The following MAP4K4 variants were observed in gnomAD, a reference collection of about 807,000 sequenced individuals.
MAP4K4 encodes mitogen-activated protein kinase kinase kinase kinase 4.
In MAP4K4, 38 loss-of-function variants were observed where a neutral mutation model predicts 189.6. The observed-to-expected ratio is 0.20, with a 90% CI of 0.15 to 0.26. MAP4K4 has a LOEUF of 0.26. Among genes scored for constraint, MAP4K4 ranks in the 10% least tolerant of loss-of-function variants. The pLI, the probability that MAP4K4 is intolerant of heterozygous loss-of-function variation, is 1.00. For synonymous variants in MAP4K4, 610 were observed against 624.3 expected (o/e 0.98, Z 0.34); for missense variants, 1,054 against 1,726.9 (o/e 0.61, Z 6.91).
intron 9 of MAP4K4, among the ~76,000 whole-genome samples, chr2:101,837,963 C>G (rs2096809242): frequency 6.6e-6 from 1 of 152,172 alleles, no homozygotes; most frequent in Non-Finnish European, 1.5e-5. Flanking sequence ...TCTAATGTTA[C>G]CCAAGTGTTC....
chr2:101,721,182 C>T (rs2051683519), intron 2 of MAP4K4, among the ~76,000 whole-genome samples: 1 of 152,082 alleles, frequency 6.6e-6, no homozygotes, highest in South Asian at 2.1e-4. Flanking sequence ...AAAACTGATA[C>T]TAGAAATTGT....
intron 2 of MAP4K4, among the ~76,000 whole-genome samples, chr2:101,722,766 G>C (rs1409676925): frequency 1.3e-5 from 2 of 152,152 alleles, no homozygotes; most frequent in East Asian, 3.9e-4. Context: ...GAAGGCTAAG[G>C]ACTAAAATTT....
intron 3 of MAP4K4, among the ~76,000 whole-genome samples, chr2:101,796,545 A>G (rs1038383965): frequency 6.6e-6 from 1 of 152,214 alleles, no homozygotes; most frequent in African/African-American, 2.4e-5. Context: ...GTGAAAGTAT[A>G]ACCATTTCAA....
intron 2 of MAP4K4, among the ~76,000 whole-genome samples, chr2:101,727,914 A>G (rs2056433749): frequency 6.6e-6 from 1 of 152,328 alleles, no homozygotes; most frequent in African/African-American, 2.4e-5. Context: ...GGTTGCAGTG[A>G]GCCGAGATCA....
intron 3 of MAP4K4, among the ~76,000 whole-genome samples, chr2:101,802,038 T>C (rs1341771775): frequency 6.6e-6 from 1 of 152,234 alleles, no homozygotes; most frequent in Non-Finnish European, 1.5e-5. Context: ...ATAATCTTGG[T>C]AGATAGTGGG....
At chr2:101,877,476 C>CTTT (rs571878053) in intron 27 of MAP4K4, among the ~76,000 whole-genome samples, 62 of 132,822 alleles carry the variant, frequency 4.7e-4, no homozygotes, top group African/African-American at 1.7e-3. Flanking sequence ...TTCCACCAGA[C>CTTT]TTTTTTTTTT....
chr2:101,785,743 T>C (rs980069103), intron 2 of MAP4K4, among the ~76,000 whole-genome samples: 51 of 5,606 alleles, frequency 9.1e-3, no homozygotes, highest in South Asian at 0.011. Flanking sequence ...TCTCTCTCTC[T>C]CTCTCTCTCT....
At chr2:101,884,058 T>A (rs2098447353) in intron 28 of MAP4K4, among the ~76,000 whole-genome samples, 1 of 152,198 alleles carries the variant, frequency 6.6e-6, no homozygotes, top group African/African-American at 2.4e-5. Context: ...GCAGACGGGT[T>A]AAAAGTCTGT....
In MAP4K4 at chr2:101,873,830, G is replaced by GTGTAGCTGGTTGT. The variant is rs965310513; in HGVS notation, c.3070+68_3070+69insTAGCTGGTTGTTG. 22 of 1,182,684 alleles carry GTGTAGCTGGTTGT rather than the reference G, an allele frequency of 1.9e-5. No homozygotes were observed. The African/African-American group carries it at 2.1e-4, about 11-fold the overall frequency. The allele number at this position is 1,182,684 out of a possible 1,614,324, so 73.3% of individuals were successfully genotyped here. ...CTTTATCTTTGAGTTGCTCTTTTGG[G>GTGTAGCTGGTTGT]TGGCTTAGGTGTAGCTGGTTGTTCA... is the stretch of plus-strand genomic sequence containing the variant. On this transcript the variant is annotated intron_variant, in intron 25 of 32. Transcript: ENST00000324219.
chr2:101,873,019 TTTGTC>T (rs1415962341), intron 24 of MAP4K4, among the ~76,000 whole-genome samples: 10 of 152,248 alleles, frequency 6.6e-5, no homozygotes. Context: ...TTTGTGTTTT[TTTGTC>T]TTAAGTTACA....
chr2:101,746,637 G>A (rs986438812), intron 2 of MAP4K4, among the ~76,000 whole-genome samples: 2 of 152,008 alleles, frequency 1.3e-5, no homozygotes, highest in East Asian at 1.9e-4. Flanking sequence ...GCACATTTTT[G>A]GACTGTGTGT....
intron 8 of MAP4K4, 102 bp from the exon 9 acceptor site, chr2:101,835,790 TGTCAGTCA>T: frequency 1.4e-6 from 1 of 698,438 alleles, no homozygotes; most frequent in Non-Finnish European, 2.6e-6. Context: ...GTATGAAGCC[TGTCAGTCA>T]GACGATGGGC....
At chr2:101,764,232 T>G (rs565524703) in intron 2 of MAP4K4, among the ~76,000 whole-genome samples, 1 of 152,352 alleles carries the variant, frequency 6.6e-6, no homozygotes, top group East Asian at 1.9e-4. Context: ...CAAACATATG[T>G]AGCATTGCAC....
At chr2:101,815,526 C>G (rs1427324567) in intron 3 of MAP4K4, among the ~76,000 whole-genome samples, 2 of 151,968 alleles carry the variant, frequency 1.3e-5, no homozygotes, top group Admixed American at 1.3e-4. Flanking sequence ...TTTCTTTCCC[C>G]CCCTCTCTCA....
intron 2 of MAP4K4, among the ~76,000 whole-genome samples, chr2:101,770,725 T>C (rs532286576): frequency 6.6e-6 from 1 of 152,364 alleles, no homozygotes; most frequent in East Asian, 1.9e-4. Context: ...TCTTGCCTAC[T>C]GCCCATGGAT....
chr2:101,871,577 G>A, exon 24 of MAP4K4: 1 of 1,536,280 alleles, frequency 6.5e-7, no homozygotes, highest in Non-Finnish European at 8.7e-7. Flanking sequence ...ATCTCTTACA[G>A]CAAAGCCATT....
intron 3 of MAP4K4, among the ~76,000 whole-genome samples, chr2:101,823,270 A>C (rs577930139): frequency 1.3e-5 from 2 of 152,150 alleles, no homozygotes; most frequent in Non-Finnish European, 2.9e-5. Flanking sequence ...TCTTATTTCA[A>C]TAAACCAAGA....
At chr2:101,894,144 A>G (rs1343239999) in exon 33 of MAP4K4, 2 of 152,790 alleles carry the variant, frequency 1.3e-5, no homozygotes, top group Non-Finnish European at 2.9e-5. Flanking sequence ...ACTTCTCCAC[A>G]GAAGTGCCAA....
intron 3 of MAP4K4, among the ~76,000 whole-genome samples, chr2:101,822,269 GC>G (rs2096110296): frequency 6.6e-6 from 1 of 152,096 alleles, no homozygotes; most frequent in Non-Finnish European, 1.5e-5. Flanking sequence ...GTTTACAGTA[GC>G]CTTAACCACA....
Sources: gnomAD v4.1 joint callset for allele counts (sites outside exome capture counted in the v4.1 genomes callset) on GRCh38, gnomAD v4.1.1 for gene constraint, MANE v1.5 for transcripts, NCBI Gene and HGNC (gene_info 2026-07-23, HGNC 2026-07-21) for gene names.